Variants in HTR4 observed in about 807,000 individuals in gnomAD.
HTR4 encodes the protein 5-hydroxytryptamine receptor 4.
HTR4 carries 16 observed loss-of-function variants against 36.8 expected under a neutral mutation model. The ratio of observed to expected loss-of-function variants is 0.43; its 90% confidence interval spans 0.29 to 0.66. The LOEUF (loss-of-function observed/expected upper bound fraction) is 0.66. HTR4 is among the 30% of genes least tolerant of loss of function. The pLI is 0.13. For missense variants in HTR4, 438 were observed against 490.9 expected, an observed-to-expected ratio of 0.89 and a Z score of 1.02; for synonymous variants, 189 against 185.1, an observed-to-expected ratio of 1.02 and a Z score of -0.17.
rs201206530 is a variant in HTR4, at chr5:148,482,915, G to C, written c.*288C>G. 80 of 1,306,490 alleles carry C rather than the reference G, an allele frequency of 6.1e-5. No individual in the cohort carries two copies. The highest frequency in any genetic ancestry group is 7.6e-5 in the Non-Finnish European group (77 of 1,018,910). 80.9% of individuals were successfully genotyped at this position (1,306,490 alleles called of 1,614,324 possible). On this transcript the variant is annotated 3_prime_UTR_variant, in exon 7 of 7. Transcript: ENST00000377888. ...AGACAGATCAGACACAGTGAGTGAC[G>C]GGAACATGTCAGAGACACCAGAGAC...
chr5:148,576,002 C>T (rs534569022), intron 2 of HTR4, among the ~76,000 whole-genome samples: 1 of 150,574 alleles, frequency 6.6e-6, no homozygotes, highest in South Asian at 2.1e-4. Flanking sequence ...CTCAGCCCAA[C>T]AGCTCCTTCA....
chr5:148,516,950 T>C (rs999929389), intron 5 of HTR4, among the ~76,000 whole-genome samples: 3 of 152,228 alleles, frequency 2.0e-5, no homozygotes, highest in African/African-American at 4.8e-5. Flanking sequence ...AGACCTTATA[T>C]GACTCAGTAA....
At chr5:148,559,023 C>T (rs1454772633) in intron 2 of HTR4, among the ~76,000 whole-genome samples, 1 of 152,168 alleles carries the variant, frequency 6.6e-6, no homozygotes, top group Non-Finnish European at 1.5e-5. Context: ...CTTAAATGTG[C>T]TCAGAAAGCT....
intron 6 of HTR4, among the ~76,000 whole-genome samples, chr5:148,494,200 T>G (rs1756578795): frequency 1.3e-5 from 2 of 152,206 alleles, no homozygotes; most frequent in African/African-American, 4.8e-5. Flanking sequence ...ACAGTCCAGA[T>G]GAACAGTGAA....
At chr5:148,484,429 C>T (rs201692356) in intron 6 of HTR4, 1 of 1,543,888 alleles carries the variant, frequency 6.5e-7, no homozygotes, top group African/African-American at 1.4e-5. Flanking sequence ...AACAGTGAAT[C>T]TTACTTACAC....
intron 2 of HTR4, among the ~76,000 whole-genome samples, chr5:148,620,028 A>C (rs1752855877): frequency 6.6e-6 from 1 of 152,190 alleles, no homozygotes; most frequent in African/African-American, 2.4e-5. Context: ...GAGAAACTAA[A>C]TGTGTTGATA....
intron 6 of HTR4, among the ~76,000 whole-genome samples, chr5:148,494,634 G>A (rs981103509): frequency 5.3e-5 from 8 of 152,228 alleles, no homozygotes; most frequent in Admixed American, 6.5e-5. Context: ...CTGATAACAA[G>A]AGTTAGTGAG....
At chr5:148,631,158 G>C (rs144811114) in intron 2 of HTR4, among the ~76,000 whole-genome samples, 5 of 152,210 alleles carry the variant, frequency 3.3e-5, no homozygotes, top group African/African-American at 1.2e-4. Context: ...AAGTGGCACA[G>C]GGGTTTTCAA....
At chr5:148,606,474 A>G (rs1752168605) in intron 2 of HTR4, among the ~76,000 whole-genome samples, 1 of 152,238 alleles carries the variant, frequency 6.6e-6, no homozygotes, top group Non-Finnish European at 1.5e-5. Context: ...CTATGTACAT[A>G]TTTAAATTGT....
intron 4 of HTR4, among the ~76,000 whole-genome samples, chr5:148,536,787 G>C (rs117087689): frequency 0.015 from 2,267 of 152,186 alleles, 95 homozygotes; most frequent in Admixed American, 0.08. Context: ...CACAATAATA[G>C]TGGAAGGCTT....
intron 5 of HTR4, chr5:148,521,015 A>G (rs1757988441): frequency 7.3e-7 from 1 of 1,366,636 alleles, no homozygotes; most frequent in Admixed American, 1.9e-5. Context: ...TGAAAAGAGG[A>G]AAGGGCAGCT....
chr5:148,577,570 A>G (rs935861545), intron 2 of HTR4, among the ~76,000 whole-genome samples: 1 of 152,134 alleles, frequency 6.6e-6, no homozygotes, highest in African/African-American at 2.4e-5. Flanking sequence ...ATCAACCTAA[A>G]TGCCCATCAA....
rs183405419 is a variant in HTR4 at position 148,490,693 on chromosome 5, A to G, written c.1077-7400T>C. On this transcript the variant is annotated intron_variant, in intron 6 of 6. Coordinates refer to ENST00000377888, the MANE Select transcript of HTR4 (RefSeq NM_000870.7). Reference sequence around the variant, plus strand: ...CTTTTAATTGACTGATGGTCATCCAATTGTCTCCTTCAACTTTACTAGGAA... The same window carrying G: ...CTTTTAATTGACTGATGGTCATCCAGTTGTCTCCTTCAACTTTACTAGGAA... 2.9e-3 allele frequency: 3,538 copies of G among 1,207,584 alleles called. 3 individuals are homozygous for G. The highest frequency in any genetic ancestry group is 3.5e-3 in the Non-Finnish European group (3,365 of 954,794). The allele number at this position is 1,207,584 out of a possible 1,614,324, so 74.8% of individuals were successfully genotyped here. A position where few individuals can be genotyped will look rare whatever the true frequency, so the allele number is the denominator to read the frequency against.
chr5:148,473,846 T>C (rs964062984), downstream of HTR4, among the ~76,000 whole-genome samples: 6 of 152,098 alleles, frequency 3.9e-5, no homozygotes, highest in Non-Finnish European at 5.9e-5. Context: ...GTCTTTTTTT[T>C]CCCATTATTC....
chr5:148,560,118 T>C (rs1368257064), intron 2 of HTR4, among the ~76,000 whole-genome samples: 1 of 151,872 alleles, frequency 6.6e-6, no homozygotes, highest in South Asian at 2.1e-4. Context: ...TTGGCTTATA[T>C]TACTTTGGGT....
chr5:148,502,417 A>G (rs983128086), intron 6 of HTR4, among the ~76,000 whole-genome samples: 1 of 152,234 alleles, frequency 6.6e-6, no homozygotes, highest in Admixed American at 6.5e-5. Flanking sequence ...GCAAACTCCA[A>G]CAGACCAGCA....
In HTR4 at chr5:148,523,285, C is replaced by A. The variant is rs201950460; in HGVS notation, c.415G>T (p.Ala139Ser). The change falls in exon 5 of 7, where the codon GCA (alanine) becomes TCA (serine). Residue 139 changes from alanine (A) to serine (S), a missense_variant. Coordinates refer to ENST00000377888, the MANE Select transcript of HTR4 (RefSeq NM_000870.7). ...ACCCAGCAGCCTCCCAGCATTAATG[C>A]GATGCGCAGAGGGGTCATCTTGTTC... ...YRNKMTPLRI[A>S]LMLGGCWVIP... The A allele has an allele frequency of 6.2e-7, 1 of 1,613,058 alleles. No individual in the cohort carries two copies. Among genetic ancestry groups the A allele is most frequent in the South Asian group, 1.1e-5 (1 of 90,986 alleles).
intron 2 of HTR4, among the ~76,000 whole-genome samples, chr5:148,612,228 T>C (rs1370361371): frequency 1.7e-4 from 26 of 152,058 alleles, no homozygotes; most frequent in Middle Eastern, 3.4e-3. Context: ...AATATACATT[T>C]TTTTCAGCAC....
intron 2 of HTR4, among the ~76,000 whole-genome samples, chr5:148,611,783 A>G (rs1181843106): frequency 1.3e-5 from 2 of 151,634 alleles, no homozygotes; most frequent in Non-Finnish European, 2.9e-5. Flanking sequence ...CAGGAAACCC[A>G]TCTCACGTGC....
Sources: gnomAD v4.1 joint callset for allele counts (sites outside exome capture counted in the v4.1 genomes callset) on GRCh38, gnomAD v4.1.1 for gene constraint, MANE v1.5 for transcripts, NCBI Gene and HGNC (gene_info 2026-07-23, HGNC 2026-07-21) for gene names.